Variants in KHDRBS2 observed in about 807,000 individuals in gnomAD.
The protein encoded by KHDRBS2 is KH domain-containing, RNA-binding, signal transduction-associated protein 2.
A neutral mutation model predicts 44.3 loss-of-function variants in KHDRBS2; 26 were observed. That is an observed-to-expected ratio of 0.59 (90% CI 0.43 to 0.81). The LOEUF is 0.81. KHDRBS2 is among the 40% of genes least tolerant of loss of function. The pLI is 0.00. For missense variants in KHDRBS2, 476 were observed against 433.1 expected, an observed-to-expected ratio of 1.10 and a Z score of -0.88; for synonymous variants, 194 against 151.1, an observed-to-expected ratio of 1.28 and a Z score of -2.08.
At chr6:61,550,511 T>C in the KHDRBS2 span, among the ~76,000 whole-genome samples, 1 of 152,188 alleles carries the variant, frequency 6.6e-6, no homozygotes, top group Admixed American at 6.5e-5. Flanking sequence ...TGAGTGCATG[T>C]GTCTTTATGG....
At chr6:61,610,221 ACT>A in the KHDRBS2 span, among the ~76,000 whole-genome samples, 3,718 of 152,168 alleles carry the variant, frequency 0.024, 71 homozygotes, top group Middle Eastern at 0.085. Context: ...ACTTGAAAAA[ACT>A]TTGGCTACTA....
the KHDRBS2 span, among the ~76,000 whole-genome samples, chr6:61,663,249 G>A: frequency 1.1e-5 from 1 of 88,292 alleles, no homozygotes; most frequent in Non-Finnish European, 2.1e-5. Flanking sequence ...AGGGCCTGTT[G>A]TGGGGTGGGG....
At chr6:61,647,616 A>C in the KHDRBS2 span, among the ~76,000 whole-genome samples, 1 of 152,268 alleles carries the variant, frequency 6.6e-6, no homozygotes, top group East Asian at 1.9e-4. Context: ...TCAATATTCA[A>C]AAAATTGCTG....
chr6:61,622,201 C>T, the KHDRBS2 span, among the ~76,000 whole-genome samples: 1 of 152,098 alleles, frequency 6.6e-6, no homozygotes, highest in African/African-American at 2.4e-5. Context: ...TCCTTTAAAC[C>T]TTAACTGCTT....
chr6:61,726,676 C>A (rs1260604507), intron 7 of KHDRBS2, among the ~76,000 whole-genome samples: 1 of 152,012 alleles, frequency 6.6e-6, no homozygotes, highest in Non-Finnish European at 1.5e-5. Context: ...TTGATCACTG[C>A]CACAAAAAGA....
At chr6:62,058,842 A>G (rs566821025) in intron 2 of KHDRBS2, among the ~76,000 whole-genome samples, 1 of 152,004 alleles carries the variant, frequency 6.6e-6, no homozygotes, top group Non-Finnish European at 1.5e-5. Context: ...AGAAAAGCAG[A>G]ATGATTTAGA....
intron 8 of KHDRBS2, among the ~76,000 whole-genome samples, chr6:61,683,078 C>T (rs1249232200): frequency 6.6e-6 from 1 of 151,826 alleles, no homozygotes; most frequent in Non-Finnish European, 1.5e-5. Flanking sequence ...GGGTTTCACT[C>T]TACAGGATTT....
the KHDRBS2 span, among the ~76,000 whole-genome samples, chr6:61,556,852 C>T: frequency 7.3e-6 from 1 of 137,724 alleles, no homozygotes; most frequent in African/African-American, 2.7e-5. Context: ...TTATCAAGGA[C>T]ATCCGTAAGT....
At chr6:61,597,732 T>TTATATA in the KHDRBS2 span, among the ~76,000 whole-genome samples, 121 of 37,362 alleles carry the variant, frequency 3.2e-3, 4 homozygotes, top group African/African-American at 3.5e-3. Context: ...TTTGCACCTT[T>TTATATA]TATATATATA....
chr6:62,252,934 T>C (rs1416689054), intron 1 of KHDRBS2, among the ~76,000 whole-genome samples: 1 of 151,944 alleles, frequency 6.6e-6, no homozygotes, highest in Admixed American at 6.6e-5. Context: ...ATCATAACTA[T>C]AAAAAACCCA....
At chr6:61,983,778 C>A (rs1774463852) in intron 3 of KHDRBS2, among the ~76,000 whole-genome samples, 1 of 152,078 alleles carries the variant, frequency 6.6e-6, no homozygotes, top group Middle Eastern at 3.2e-3. Flanking sequence ...GAATAATTTT[C>A]CTTTGATTAT....
chr6:62,176,654 A>G lies in KHDRBS2; in HGVS notation c.219+531T>C, dbSNP rs61688218. Among the ~76,000 whole-genome samples, 25 of 151,366 alleles carry G rather than the reference A, an allele frequency of 1.7e-4. No individual in the cohort carries two copies. The East Asian group carries it at 4.8e-3, about 29-fold the overall frequency. On this transcript the variant is annotated intron_variant, in intron 2 of 8. Coordinates refer to ENST00000281156, the MANE Select transcript of KHDRBS2 (RefSeq NM_152688.4). ...TAATCAATGATCTATTGGTGAAAAAATAGTTTAAAGAAAGATGTAACATTA... is the reference window on the plus strand; with the variant it reads ...TAATCAATGATCTATTGGTGAAAAAGTAGTTTAAAGAAAGATGTAACATTA...
chr6:61,989,721 G>T (rs1230246699), intron 3 of KHDRBS2, among the ~76,000 whole-genome samples: 2 of 152,128 alleles, frequency 1.3e-5, no homozygotes, highest in African/African-American at 2.4e-5. Flanking sequence ...GTTTTTAATT[G>T]TATTTCTTCA....
chr6:62,082,611 T>A (rs768756799), intron 2 of KHDRBS2, among the ~76,000 whole-genome samples: 1 of 152,122 alleles, frequency 6.6e-6, no homozygotes, highest in African/African-American at 2.4e-5. Context: ...ACAAGGACAT[T>A]TTCTTGGGAT....
chr6:61,901,349 T>C lies in KHDRBS2; in HGVS notation c.506A>G (p.Gln169Arg), dbSNP rs775798046. The change falls in exon 5 of 9, where the codon CAG (glutamine) becomes CGG (arginine). Residue 169 changes from glutamine (Q) to arginine (R), a missense_variant. Physicochemically the swap from Gln to Arg is conservative, Grantham distance 43. Coordinates refer to ENST00000281156, the MANE Select transcript of KHDRBS2 (RefSeq NM_152688.4). Reference protein sequence around the residue: ...LVPDYNDEIRQEQLRELSYLN... With the variant: ...LVPDYNDEIRREQLRELSYLN... Reference sequence around the variant, plus strand: ...GTAAGATAATTCACGTAGTTGTTCCTGACGAATTTCATCATTGTAGTCCTG... The same window carrying C: ...GTAAGATAATTCACGTAGTTGTTCCCGACGAATTTCATCATTGTAGTCCTG... 7 of 1,613,106 alleles carry C rather than the reference T, an allele frequency of 4.3e-6. No individual in the cohort carries two copies. The highest frequency in any genetic ancestry group is 1.1e-5 in the South Asian group (1 of 91,008).
intron 3 of KHDRBS2, among the ~76,000 whole-genome samples, chr6:62,042,425 A>G (rs1354179197): frequency 6.6e-6 from 1 of 152,128 alleles, no homozygotes; most frequent in Non-Finnish European, 1.5e-5. Context: ...CATTAGAGGC[A>G]CAGCTAAAAT....
intron 4 of KHDRBS2, among the ~76,000 whole-genome samples, chr6:61,902,180 C>T (rs1338993957): frequency 6.6e-6 from 1 of 152,128 alleles, no homozygotes; most frequent in African/African-American, 2.4e-5. Context: ...AACTCCTGGT[C>T]TCAAATGATC....
chr6:62,116,879 C>T lies in KHDRBS2; in HGVS notation c.219+60306G>A, dbSNP rs190403132. Among the ~76,000 whole-genome samples the T allele has an allele frequency of 3.3e-5, 5 of 152,180 alleles. No homozygotes were observed. In the South Asian group the frequency reaches 6.2e-4, roughly 19 times the overall value. ...AACAAACCATATTAGTCTTTCCATG[C>T]CTGGCTTTTTTCACTTAATATAATG... On this transcript the variant is annotated intron_variant, in intron 2 of 8. Transcript: ENST00000281156.
In KHDRBS2 at chr6:61,999,241, G is replaced by A. The variant is rs143547524; in HGVS notation, c.337-21029C>T. On this transcript the variant is annotated intron_variant, in intron 3 of 8. Coordinates refer to ENST00000281156, the MANE Select transcript of KHDRBS2 (RefSeq NM_152688.4). ...CCAACCCAAATAAAAGCATCCTCGA[G>A]TGATTTTATTTAAATGCTCAGAGAA... Among the ~76,000 whole-genome samples, 51 of 152,124 alleles carry A rather than the reference G, an allele frequency of 3.4e-4. No homozygotes were observed. The East Asian group carries it at 8.5e-3, about 25-fold the overall frequency.
Sources: gnomAD v4.1 joint callset for allele counts (sites outside exome capture counted in the v4.1 genomes callset) on GRCh38, gnomAD v4.1.1 for gene constraint, MANE v1.5 for transcripts, NCBI Gene and HGNC (gene_info 2026-07-23, HGNC 2026-07-21) for gene names.